The following ESRRB variants were observed in gnomAD, a reference collection of about 807,000 sequenced individuals.
ESRRB encodes steroid hormone receptor ERR2.
In ESRRB, 16 loss-of-function variants were observed where a neutral mutation model predicts 46.0. That is an observed-to-expected ratio of 0.35 (90% CI 0.24 to 0.53). The LOEUF (loss-of-function observed/expected upper bound fraction) is 0.53. Among genes scored for constraint, ESRRB ranks in the 20% least tolerant of loss-of-function variants. The pLI is 0.93. For synonymous variants in ESRRB, 246 were observed against 259.6 expected, an observed-to-expected ratio of 0.95 and a Z score of 0.50; for missense variants, 488 against 607.4, an observed-to-expected ratio of 0.80 and a Z score of 2.07.
intron 1 of ESRRB, among the ~76,000 whole-genome samples, chr14:76,316,109 G>A (rs995718949): frequency 6.6e-6 from 1 of 152,148 alleles, no homozygotes; most frequent in African/African-American, 2.4e-5. Flanking sequence ...GCTTTTATAG[G>A]GCAGCTGGTG....
intron 1 of ESRRB, among the ~76,000 whole-genome samples, chr14:76,419,062 T>C (rs565243181): frequency 3.6e-4 from 55 of 152,074 alleles, no homozygotes; most frequent in Non-Finnish European, 5.9e-4. Flanking sequence ...TCACCCTGCC[T>C]GGAGTGCGAT....
intron 1 of ESRRB, chr14:76,407,603 T>C (rs980030211): frequency 1.0e-6 from 1 of 985,798 alleles, no homozygotes; most frequent in African/African-American, 1.7e-5. Flanking sequence ...GAGGGTAAGT[T>C]GGGTCCAGTC....
At chr14:76,443,437 G>C (rs72731658) in intron 2 of ESRRB, among the ~76,000 whole-genome samples, 12,605 of 152,170 alleles carry the variant, frequency 0.083, 822 homozygotes, top group African/African-American at 0.18. Context: ...GCTGTCTCTT[G>C]CCTCAGCCAA....
At chr14:76,349,787 A>T (rs988710550) in intron 1 of ESRRB, among the ~76,000 whole-genome samples, 1 of 152,090 alleles carries the variant, frequency 6.6e-6, no homozygotes, top group Non-Finnish European at 1.5e-5. Flanking sequence ...CGTGCTCATT[A>T]AAGATTTGTT....
chr14:76,382,695 T>C (rs900973222), intron 1 of ESRRB, among the ~76,000 whole-genome samples: 1 of 152,242 alleles, frequency 6.6e-6, no homozygotes, highest in African/African-American at 2.4e-5. Flanking sequence ...ATTGGCCAAA[T>C]GTTTTAAATT....
chr14:76,486,150 A>C (rs1009811683), intron 5 of ESRRB, among the ~76,000 whole-genome samples: 19 of 152,184 alleles, frequency 1.2e-4, no homozygotes, highest in African/African-American at 4.6e-4. Context: ...TTCTTATTCC[A>C]TGAGATCAAG....
Position 76,397,794 on chromosome 14 carries a change from G to A in ESRRB, c.50+21343G>A, listed in dbSNP as rs528671166. On this transcript the variant is annotated intron_variant, in intron 1 of 6. Transcript: ENST00000644823. Reference sequence around the variant, plus strand: ...GAATAATAATTTGGGGCAAAAAGGGGGCTTCTGAATAACCTCGAGGTTTGA... The same window carrying A: ...GAATAATAATTTGGGGCAAAAAGGGAGCTTCTGAATAACCTCGAGGTTTGA... Among the ~76,000 whole-genome samples, 3 of 152,252 alleles carry A rather than the reference G, an allele frequency of 2.0e-5. No homozygotes were observed. The East Asian group carries it at 5.8e-4, about 29-fold the overall frequency.
At chr14:76,405,962 A>G (rs1886168829) in intron 1 of ESRRB, among the ~76,000 whole-genome samples, 1 of 152,200 alleles carries the variant, frequency 6.6e-6, no homozygotes, top group Non-Finnish European at 1.5e-5. Flanking sequence ...ATTTTCTAAC[A>G]TAATGAAATG....
chr14:76,479,246 C>T (rs1387396275), intron 3 of ESRRB, among the ~76,000 whole-genome samples: 1 of 151,704 alleles, frequency 6.6e-6, no homozygotes, highest in Non-Finnish European at 1.5e-5. Flanking sequence ...CGTGTGCATG[C>T]GTGCGTGTGT....
Position 76,376,553 on chromosome 14 carries a change from A to G in ESRRB, c.50+102A>G. ...TCTGCACATTCTTGTGTAAAAGTGGAAGGGACTTCGGGGGGGCACTTGGGG... is the reference window on the plus strand; with the variant it reads ...TCTGCACATTCTTGTGTAAAAGTGGGAGGGACTTCGGGGGGGCACTTGGGG... On this transcript the variant is annotated intron_variant, in intron 1 of 6. Coordinates refer to ENST00000644823, the MANE Select transcript of ESRRB (RefSeq NM_001379180.1). The surrounding 1 kb of genome is among the most constrained non-coding windows in gnomAD (Gnocchi z 4.1). 1.1e-6 allele frequency: 1 copy of G among 900,466 alleles called. No homozygotes were observed. Among genetic ancestry groups the G allele is most frequent in the Non-Finnish European group, 1.5e-6 (1 of 687,000 alleles). 55.8% of individuals were successfully genotyped at this position (900,466 alleles called of 1,614,324 possible). A position where few individuals can be genotyped will look rare whatever the true frequency, so the allele number is the denominator to read the frequency against.
intron 5 of ESRRB, among the ~76,000 whole-genome samples, chr14:76,486,546 A>T (rs1351258113): frequency 2.0e-5 from 3 of 149,358 alleles, no homozygotes. Context: ...TCCACTTGCC[A>T]CAAATTACGT....
intron 1 of ESRRB, among the ~76,000 whole-genome samples, chr14:76,420,862 C>T (rs1348827519): frequency 2.0e-5 from 3 of 152,146 alleles, no homozygotes; most frequent in African/African-American, 7.2e-5. Context: ...CTCACACACC[C>T]CACCTGTGCA....
intron 1 of ESRRB, among the ~76,000 whole-genome samples, chr14:76,386,851 T>C (rs1885252471): frequency 6.6e-6 from 1 of 152,184 alleles, no homozygotes; most frequent in Non-Finnish European, 1.5e-5. Context: ...ATCTGCTGAA[T>C]GAGGTCTCCT....
At chr14:76,419,479 G>A (rs777631734) in intron 1 of ESRRB, among the ~76,000 whole-genome samples, 5 of 152,080 alleles carry the variant, frequency 3.3e-5, no homozygotes, top group Admixed American at 6.5e-5. Flanking sequence ...ATTCACCCCC[G>A]AGCCTCATGA....
intron 1 of ESRRB, chr14:76,407,672 T>C (rs929741842): frequency 1.3e-5 from 11 of 824,946 alleles, no homozygotes; most frequent in African/African-American, 3.7e-5. Context: ...TGGCTGAGCA[T>C]TGATGCAGAC....
chr14:76,463,617 T>C lies in ESRRB; in HGVS notation c.577+956T>C, dbSNP rs543544556. Among the ~76,000 whole-genome samples, 203 of 151,862 alleles carry C rather than the reference T, an allele frequency of 1.3e-3. 2 individuals carry two copies. The highest frequency in any genetic ancestry group is 2.5e-3 in the Non-Finnish European group (170 of 67,964). ...GCCCGCCACCTCGCCCGGCTAATTT[T>C]TTTGTATTTTTAGTAGAGACGGGGT... is the stretch of plus-strand genomic sequence containing the variant. On this transcript the variant is annotated intron_variant, in intron 3 of 6. Coordinates refer to ENST00000644823, the MANE Select transcript of ESRRB (RefSeq NM_001379180.1).
chr14:76,424,894 G>A (rs1363425310), intron 1 of ESRRB, among the ~76,000 whole-genome samples: 1 of 151,968 alleles, frequency 6.6e-6, no homozygotes, highest in Non-Finnish European at 1.5e-5. Flanking sequence ...GCACCACCAC[G>A]CCCGGCTAAT....
chr14:76,435,642 C>T (rs985237902), intron 1 of ESRRB, among the ~76,000 whole-genome samples: 2 of 152,178 alleles, frequency 1.3e-5, no homozygotes, highest in African/African-American at 4.8e-5. Flanking sequence ...CCAGCCTGGC[C>T]AACAGGGTGA....
intron 3 of ESRRB, among the ~76,000 whole-genome samples, chr14:76,464,273 G>A (rs543505855): frequency 6.6e-6 from 1 of 152,154 alleles, no homozygotes; most frequent in Non-Finnish European, 1.5e-5. Flanking sequence ...TGGGCTTCTG[G>A]AAGCCCAGCC....
Sources: gnomAD v4.1 joint callset for allele counts (sites outside exome capture counted in the v4.1 genomes callset) on GRCh38, gnomAD v4.1.1 for gene constraint, Gnocchi (gnomAD v3.1) non-coding constraint, MANE v1.5 for transcripts, NCBI Gene and HGNC (gene_info 2026-07-23, HGNC 2026-07-21) for gene names.